Variants in PTPRG observed in about 807,000 individuals in gnomAD.
The protein encoded by PTPRG is protein tyrosine phosphatase receptor type G.
In PTPRG, 102 loss-of-function variants were observed where a neutral mutation model predicts 165.3. The ratio of observed to expected loss-of-function variants is 0.62; its 90% CI spans 0.53 to 0.73. PTPRG has a LOEUF of 0.73. Among genes scored for constraint, PTPRG ranks in the 30% least tolerant of loss-of-function variants. The probability of loss-of-function intolerance (pLI) is 0.00; values close to 1 mark genes in which losing one functional copy is unlikely to be tolerated. For synonymous variants in PTPRG, 675 were observed against 669.5 expected (o/e 1.01, Z -0.13); for missense variants, 1,866 against 1,861.4 (o/e 1.00, Z -0.05).
intron 6 of PTPRG, among the ~76,000 whole-genome samples, chr3:62,140,015 A>G (rs1295858642): frequency 6.6e-6 from 1 of 152,254 alleles, no homozygotes; most frequent in Non-Finnish European, 1.5e-5. Context: ...TTTCTACAAT[A>G]AAGAGTAACG....
intron 2 of PTPRG, among the ~76,000 whole-genome samples, chr3:61,841,332 G>A (rs948669530): frequency 6.6e-6 from 1 of 152,180 alleles, no homozygotes; most frequent in African/African-American, 2.4e-5. Context: ...GCGGCCAGGT[G>A]CACTCTCTAG....
intron 8 of PTPRG, among the ~76,000 whole-genome samples, chr3:62,186,053 G>A (rs570092061): frequency 1.3e-5 from 2 of 152,182 alleles, no homozygotes; most frequent in African/African-American, 2.4e-5. Context: ...GCAGAACTTT[G>A]GAAGCACAAG....
Position 62,078,198 on chromosome 3 carries a change from C to T in PTPRG, c.555C>T (p.Asp185=), listed in dbSNP as rs1345263463. The change falls in exon 5 of 30, where the codon GAC becomes GAT. Residue 185 remains aspartate, a synonymous_variant. Transcript: ENST00000474889. The part of the protein sequence containing the change: ...QIFFYNPDDF[D]SFQTAISENR... ...TCTTTTACAATCCAGATGACTTTGA[C>T]AGCTTTCAAACCGCAATTTCTGAGA... 5 of 1,608,984 alleles carry T rather than the reference C, an allele frequency of 3.1e-6. No individual in the cohort carries two copies. In the Admixed American group the frequency reaches 5.1e-5, roughly 16 times the overall value.
chr3:62,006,623 CATT>C (rs2041304076), intron 4 of PTPRG, among the ~76,000 whole-genome samples: 1 of 152,098 alleles, frequency 6.6e-6, no homozygotes, highest in Non-Finnish European at 1.5e-5. Flanking sequence ...ACAGAAGAAT[CATT>C]GTTGAAGATT....
At chr3:62,193,516 C>G (rs1047152143) in intron 9 of PTPRG, among the ~76,000 whole-genome samples, 4 of 152,310 alleles carry the variant, frequency 2.6e-5, no homozygotes, top group Admixed American at 1.3e-4. Flanking sequence ...GAGCTATTCT[C>G]TAACTCATCA....
chr3:62,047,413 C>T (rs114778577), intron 4 of PTPRG, among the ~76,000 whole-genome samples: 8,334 of 152,156 alleles, frequency 0.055, 319 homozygotes, highest in Middle Eastern at 0.082. Flanking sequence ...GCGTGAACCA[C>T]CACGCCTGGC....
intron 2 of PTPRG, among the ~76,000 whole-genome samples, chr3:61,919,208 T>C (rs1250895201): frequency 1.3e-5 from 2 of 152,204 alleles, no homozygotes; most frequent in African/African-American, 4.8e-5. Context: ...AGCCATCAGA[T>C]ACCGGCTCAT....
At chr3:61,698,452 C>T (rs1004506939) in intron 1 of PTPRG, among the ~76,000 whole-genome samples, 2 of 152,142 alleles carry the variant, frequency 1.3e-5, no homozygotes, top group African/African-American at 4.8e-5. Flanking sequence ...ACTTTATTTA[C>T]ATAAACAGGC....
intron 2 of PTPRG, among the ~76,000 whole-genome samples, chr3:61,972,032 CAAAT>C (rs1421089116): frequency 1.3e-5 from 2 of 152,150 alleles, no homozygotes; most frequent in African/African-American, 4.8e-5. Context: ...ATATACGAAA[CAAAT>C]AAATGTGTAC....
At chr3:61,650,759 T>C (rs569031678) in intron 1 of PTPRG, among the ~76,000 whole-genome samples, 1 of 152,352 alleles carries the variant, frequency 6.6e-6, no homozygotes, top group African/African-American at 2.4e-5. Context: ...AATGTAAGCA[T>C]TTTCAAACAC....
At chr3:62,105,662 C>T (rs1172079309) in intron 5 of PTPRG, among the ~76,000 whole-genome samples, 4 of 152,162 alleles carry the variant, frequency 2.6e-5, no homozygotes, top group Non-Finnish European at 5.9e-5. Flanking sequence ...TTAAAGGGAA[C>T]ATATGCTAGA....
intron 5 of PTPRG, among the ~76,000 whole-genome samples, chr3:62,099,793 C>CTTTTTTTTTT (rs759385441): frequency 3.3e-5 from 3 of 90,752 alleles, no homozygotes; most frequent in African/African-American, 4.5e-5. Context: ...AGTGTTAAAT[C>CTTTTTTTTTT]TTTTTTTTTT....
chr3:62,081,297 A>AAACAAAC (rs1240385867), intron 5 of PTPRG, among the ~76,000 whole-genome samples: 1 of 150,216 alleles, frequency 6.7e-6, no homozygotes, highest in African/African-American at 2.5e-5. Context: ...AACAAACAAA[A>AAACAAAC]ACATAATTTT....
intron 2 of PTPRG, among the ~76,000 whole-genome samples, chr3:61,852,295 C>G (rs2036984439): frequency 6.6e-6 from 1 of 152,040 alleles, no homozygotes; most frequent in African/African-American, 2.4e-5. Context: ...TTTTTATGGT[C>G]AGTTATAAAG....
At chr3:61,616,071 C>T (rs1006034696) in intron 1 of PTPRG, among the ~76,000 whole-genome samples, 1 of 152,222 alleles carries the variant, frequency 6.6e-6, no homozygotes, top group Non-Finnish European at 1.5e-5. Context: ...CCGCCTCAGC[C>T]TCCCAAGTAG....
rs577331272 is a variant in PTPRG at position 61,811,816 on chromosome 3, T to C, written c.190+62834T>C. On this transcript the variant is annotated intron_variant, in intron 2 of 29. Coordinates refer to ENST00000474889, the MANE Select transcript of PTPRG (RefSeq NM_002841.4). Reference sequence around the variant, plus strand: ...AATATAAAAATTCCCTCAAGAGTGCTGACAGCATACCTTGCCTGTTATTAC... The same window carrying C: ...AATATAAAAATTCCCTCAAGAGTGCCGACAGCATACCTTGCCTGTTATTAC... Among the ~76,000 whole-genome samples, 4 of 152,358 alleles carry C rather than the reference T, an allele frequency of 2.6e-5. No individual in the cohort carries two copies. The South Asian group carries it at 8.3e-4, about 32-fold the overall frequency.
intron 1 of PTPRG, among the ~76,000 whole-genome samples, chr3:61,723,760 C>T (rs180753602): frequency 8.5e-4 from 129 of 152,164 alleles, no homozygotes; most frequent in African/African-American, 2.8e-3. Flanking sequence ...GTTTGTAGGT[C>T]GTGGACATTT....
At chr3:61,710,172 A>T (rs971598215) in intron 1 of PTPRG, among the ~76,000 whole-genome samples, 1 of 152,192 alleles carries the variant, frequency 6.6e-6, no homozygotes, top group Non-Finnish European at 1.5e-5. Flanking sequence ...GAAGAAATTT[A>T]AAGTATGATG....
At chr3:61,838,395 A>T (rs1002536272) in intron 2 of PTPRG, among the ~76,000 whole-genome samples, 1 of 152,130 alleles carries the variant, frequency 6.6e-6, no homozygotes, top group Non-Finnish European at 1.5e-5. Flanking sequence ...TCCCTTTTGG[A>T]TTTAGTTTCA....
Sources: gnomAD v4.1 joint callset for allele counts (sites outside exome capture counted in the v4.1 genomes callset) on GRCh38, gnomAD v4.1.1 for gene constraint, MANE v1.5 for transcripts, NCBI Gene and HGNC (gene_info 2026-07-23, HGNC 2026-07-21) for gene names.